Variants in PTPRR observed in about 807,000 individuals in gnomAD.
PTPRR encodes the protein receptor-type tyrosine-protein phosphatase R.
PTPRR carries 38 observed loss-of-function variants against 77.2 expected under a neutral mutation model. The observed-to-expected ratio is 0.49, with a 90% CI of 0.38 to 0.65. The LOEUF (loss-of-function observed/expected upper bound fraction) is 0.65, where lower values mean the gene tolerates loss of function less well. Ranked by LOEUF, PTPRR falls within the 30% of genes least tolerant of loss-of-function variation. The pLI is 0.00. For missense variants in PTPRR, 744 were observed against 799.2 expected (o/e 0.93, Z 0.83); for synonymous variants, 299 against 283.1 (o/e 1.06, Z -0.57).
intron 1 of PTPRR, among the ~76,000 whole-genome samples, chr12:70,917,557 T>A (rs1893793577): frequency 1.3e-5 from 2 of 152,136 alleles, no homozygotes; most frequent in African/African-American, 4.8e-5. Flanking sequence ...TGCTTAGTAA[T>A]CCTTTAGTGT....
At chr12:70,756,890 A>G (rs1267747201) in intron 4 of PTPRR, among the ~76,000 whole-genome samples, 1 of 152,176 alleles carries the variant, frequency 6.6e-6, no homozygotes, top group Non-Finnish European at 1.5e-5. Flanking sequence ...TTTAAGAGAG[A>G]GGAAGTACAC....
chr12:70,678,924 T>C (rs1887552089), intron 10 of PTPRR, among the ~76,000 whole-genome samples: 1 of 152,126 alleles, frequency 6.6e-6, no homozygotes, highest in Non-Finnish European at 1.5e-5. Context: ...TCAAGTGATC[T>C]GCCTGCCTCG....
intron 2 of PTPRR, among the ~76,000 whole-genome samples, chr12:70,857,184 T>C (rs1300576274): frequency 2.6e-5 from 4 of 152,018 alleles, no homozygotes; most frequent in Admixed American, 1.3e-4. Flanking sequence ...AGAGAATACA[T>C]ACAGTCAAAA....
chr12:70,885,440 G>T (rs1273421995), intron 2 of PTPRR, among the ~76,000 whole-genome samples: 1 of 151,408 alleles, frequency 6.6e-6, no homozygotes, highest in African/African-American at 2.4e-5. Context: ...CATATATGCA[G>T]ATTTCATACT....
intron 2 of PTPRR, among the ~76,000 whole-genome samples, chr12:70,772,228 A>G (rs1217618559): frequency 1.3e-5 from 2 of 152,176 alleles, no homozygotes; most frequent in African/African-American, 2.4e-5. Flanking sequence ...TAGGCTATCA[A>G]TAACTATTGA....
intron 2 of PTPRR, among the ~76,000 whole-genome samples, chr12:70,890,997 C>T (rs12422437): frequency 7.9e-5 from 12 of 152,230 alleles, no homozygotes; most frequent in Admixed American, 7.9e-4. Context: ...TCATCATGCA[C>T]ATAAGTAATC....
At chr12:70,841,637 T>C (rs1892399255) in intron 2 of PTPRR, among the ~76,000 whole-genome samples, 1 of 152,188 alleles carries the variant, frequency 6.6e-6, no homozygotes, top group South Asian at 2.1e-4. Context: ...AAAGTAAACA[T>C]TAAGTCTGAC....
chr12:70,891,980 T>C (rs962132519), intron 2 of PTPRR, among the ~76,000 whole-genome samples: 3 of 151,940 alleles, frequency 2.0e-5, no homozygotes, highest in African/African-American at 7.3e-5. Context: ...AACCAGAGAG[T>C]GACTGTAGTT....
At chr12:70,667,008 T>G (rs975381954) in intron 10 of PTPRR, among the ~76,000 whole-genome samples, 9 of 125,898 alleles carry the variant, frequency 7.1e-5, no homozygotes, top group African/African-American at 1.2e-4. Flanking sequence ...CAGGCTGGAG[T>G]GCAGTGGCAC....
intron 13 of PTPRR, 120 bp from the exon 14 acceptor site, chr12:70,639,397 G>C (rs1427130257): frequency 2.9e-6 from 4 of 1,387,996 alleles, no homozygotes; most frequent in East Asian, 4.9e-5. Context: ...TCGACCTAGT[G>C]GTTCTTTTGT....
At chr12:70,854,730 C>T (rs551009724) in intron 2 of PTPRR, among the ~76,000 whole-genome samples, 3 of 152,318 alleles carry the variant, frequency 2.0e-5, no homozygotes, top group Admixed American at 6.5e-5. Flanking sequence ...AACTGTGTGA[C>T]TGGGCAATGT....
intron 2 of PTPRR, among the ~76,000 whole-genome samples, chr12:70,851,580 CTG>C (rs771131083): frequency 2.0e-5 from 3 of 152,072 alleles, no homozygotes; most frequent in Non-Finnish European, 4.4e-5. Flanking sequence ...AGAATCCACT[CTG>C]TAGGTGTTTT....
At chr12:70,806,530 A>G (rs1891712296) in intron 2 of PTPRR, among the ~76,000 whole-genome samples, 1 of 152,182 alleles carries the variant, frequency 6.6e-6, no homozygotes, top group Non-Finnish European at 1.5e-5. Context: ...AAGTTAAACC[A>G]TTTGTCAAAG....
chr12:70,662,913 T>C (rs1280363986), intron 10 of PTPRR, among the ~76,000 whole-genome samples: 1 of 151,444 alleles, frequency 6.6e-6, no homozygotes, highest in Non-Finnish European at 1.5e-5. Flanking sequence ...TCAGAGAAAT[T>C]AAGAACTAAT....
chr12:70,901,025 C>T (rs1230469096), intron 1 of PTPRR, among the ~76,000 whole-genome samples: 1 of 151,508 alleles, frequency 6.6e-6, no homozygotes, highest in Non-Finnish European at 1.5e-5. Context: ...AGAATATATA[C>T]TAATTGAGCA....
At chr12:70,830,299 T>C (rs1256744088) in intron 2 of PTPRR, among the ~76,000 whole-genome samples, 1 of 152,162 alleles carries the variant, frequency 6.6e-6, no homozygotes, top group Non-Finnish European at 1.5e-5. Context: ...AAAAGGATAT[T>C]TCTCACTCAC....
chr12:70,858,692 C>T (rs1269301025), intron 2 of PTPRR, among the ~76,000 whole-genome samples: 2 of 151,996 alleles, frequency 1.3e-5, no homozygotes, highest in Non-Finnish European at 2.9e-5. Context: ...CAGCACCTTG[C>T]CCCATGACCT....
chr12:70,868,357 C>T lies in PTPRR; in HGVS notation c.357+24322G>A, dbSNP rs550963064. Among the ~76,000 whole-genome samples the T allele has an allele frequency of 5.9e-5, 5 of 84,274 alleles. No individual in the cohort carries two copies. The South Asian group carries it at 1.1e-3, about 18-fold the overall frequency. 55.3% of individuals were successfully genotyped at this position (84,274 alleles called of 152,430 possible). On this transcript the variant is annotated intron_variant, in intron 2 of 13. Transcript: ENST00000283228. ...AATTTACAAGAAAAAAAAAAACAACCCCATCAAAAAGTGGGAAAGGATATG... is the reference window on the plus strand; with the variant it reads ...AATTTACAAGAAAAAAAAAAACAACTCCATCAAAAAGTGGGAAAGGATATG...
chr12:70,904,932 G>C (rs1370104480), intron 1 of PTPRR, among the ~76,000 whole-genome samples: 1 of 151,776 alleles, frequency 6.6e-6, no homozygotes, highest in Non-Finnish European at 1.5e-5. Flanking sequence ...AGGAAGGAAA[G>C]ATAGGGTTGA....
Sources: gnomAD v4.1 joint callset for allele counts (sites outside exome capture counted in the v4.1 genomes callset) on GRCh38, gnomAD v4.1.1 for gene constraint, MANE v1.5 for transcripts, NCBI Gene and HGNC (gene_info 2026-07-23, HGNC 2026-07-21) for gene names.